Variants in LONP2 observed in about 807,000 individuals in gnomAD.
LONP2 encodes lon peptidase 2, peroxisomal.
A neutral mutation model predicts 85.6 loss-of-function variants in LONP2; 60 were observed. That is an observed-to-expected ratio of 0.70 (90% CI 0.57 to 0.87). The LOEUF is 0.87. Ranked by LOEUF, LONP2 falls within the 40% of genes least tolerant of loss-of-function variation. The pLI, the probability that LONP2 is intolerant of heterozygous loss-of-function variation, is 0.00. For missense variants in LONP2, 860 were observed against 1,063.5 expected (o/e 0.81, Z 2.66); for synonymous variants, 395 against 389.7 (o/e 1.01, Z -0.16).
intron 12 of LONP2, among the ~76,000 whole-genome samples, chr16:48,339,799 C>T (rs1412323274): frequency 6.6e-6 from 1 of 152,176 alleles, no homozygotes; most frequent in Non-Finnish European, 1.5e-5. Flanking sequence ...ATGGGGCTAA[C>T]GTGTGTGAGC....
At position 48,303,480 on chromosome 16, in the gene LONP2, G is replaced by A. The variant is rs545619235; in HGVS notation, c.1795+175G>A. ...AATGTTTCAACATATTTCATCCAGA[G>A]GATTGTCTTTTACAAATAGCACAGT... On this transcript the variant is annotated intron_variant, in intron 11 of 14. Transcript: ENST00000285737. Among the ~76,000 whole-genome samples, 120 of 152,222 alleles carry A rather than the reference G, an allele frequency of 7.9e-4. 1 individual carries two copies. The highest frequency in any genetic ancestry group is 1.6e-4 in the Non-Finnish European group (11 of 68,022).
At chr16:48,346,494 C>T (rs1414776499) in intron 12 of LONP2, among the ~76,000 whole-genome samples, 5 of 152,162 alleles carry the variant, frequency 3.3e-5, no homozygotes, top group Non-Finnish European at 7.3e-5. Flanking sequence ...TCTCTCATCC[C>T]ATGGGAAGGA....
chr16:48,261,918 G>A (rs1419910881), intron 5 of LONP2, among the ~76,000 whole-genome samples: 1 of 152,062 alleles, frequency 6.6e-6, no homozygotes, highest in Non-Finnish European at 1.5e-5. Context: ...TAACAGAATA[G>A]GATATATGGG....
chr16:48,346,882 G>A, intron 12 of LONP2, among the ~76,000 whole-genome samples: 1 of 152,136 alleles, frequency 6.6e-6, no homozygotes, highest in East Asian at 1.9e-4. Context: ...TGGGTGTGGT[G>A]GCTCACACCT....
At chr16:48,332,509 C>T (rs931093518) in intron 11 of LONP2, among the ~76,000 whole-genome samples, 1 of 152,008 alleles carries the variant, frequency 6.6e-6, no homozygotes, top group Admixed American at 6.6e-5. Context: ...GTCAGGAGTT[C>T]GAGACCAGCC....
chr16:48,303,408 T>C, intron 11 of LONP2, 103 bp downstream of exon 11: 1 of 1,317,804 alleles, frequency 7.6e-7, no homozygotes, highest in South Asian at 1.3e-5. Context: ...CTTGGAGCAG[T>C]GGCACACATG....
chr16:48,312,407 T>C (rs1447995468), intron 11 of LONP2, among the ~76,000 whole-genome samples: 1 of 152,166 alleles, frequency 6.6e-6, no homozygotes, highest in Non-Finnish European at 1.5e-5. Flanking sequence ...TTCATTTGTA[T>C]CTGGGATAAC....
At chr16:48,333,884 G>A (rs1027809456) in intron 11 of LONP2, among the ~76,000 whole-genome samples, 6 of 152,198 alleles carry the variant, frequency 3.9e-5, no homozygotes, top group Non-Finnish European at 5.9e-5. Context: ...GAATAGTGCC[G>A]GGAATTGTTC....
intron 12 of LONP2, among the ~76,000 whole-genome samples, chr16:48,342,929 C>T (rs181681896): frequency 7.2e-5 from 11 of 152,280 alleles, no homozygotes; most frequent in African/African-American, 1.2e-4. Flanking sequence ...CATGTGGCAC[C>T]GTGCTTGTCC....
At chr16:48,296,405 CAAAT>C (rs1173377950) in intron 9 of LONP2, among the ~76,000 whole-genome samples, 4 of 152,270 alleles carry the variant, frequency 2.6e-5, no homozygotes, top group African/African-American at 9.6e-5. Context: ...AATTTTATGA[CAAAT>C]AAGACATTCT....
At chr16:48,345,724 T>C (rs1959942647) in intron 12 of LONP2, 1 of 152,034 alleles carries the variant, frequency 6.6e-6, no homozygotes, top group South Asian at 2.1e-4. Flanking sequence ...TTAGGATTAA[T>C]TTTTTTTAAT....
intron 5 of LONP2, among the ~76,000 whole-genome samples, 189 bp from the exon 6 acceptor site, chr16:48,262,589 G>T (rs73555657): frequency 3.8e-4 from 58 of 152,320 alleles, no homozygotes; most frequent in African/African-American, 1.3e-3. Flanking sequence ...TGGGGAGAGA[G>T]ATAGGAGTGG....
intron 6 of LONP2, 76 bp from the exon 7 acceptor site, chr16:48,269,940 C>T (rs1048454156): frequency 2.7e-5 from 39 of 1,468,884 alleles, no homozygotes; most frequent in Middle Eastern, 3.7e-4. Context: ...ATATTTTGCC[C>T]TCGTCATGCT....
rs202193734 is a variant in LONP2, at chr16:48,347,590, G to A, written c.2022G>A (p.Ala674=). The A allele has an allele frequency of 5.7e-5, 92 of 1,614,258 alleles. No homozygotes were observed. The highest frequency in any genetic ancestry group is 8.9e-5 in the East Asian group (4 of 44,884). The part of the protein sequence containing the change: ...PLGGEIMFVE[A]SRMDGEGQLT... ...GTGGAGAAATCATGTTCGTGGAGGC[G>A]AGTCGAATGGATGGCGAGGGCCAGT... is the stretch of plus-strand genomic sequence containing the variant. Residue 674 remains alanine (A), a synonymous_variant, in exon 13 of 15, where the codon GCG becomes GCA. Transcript: ENST00000285737.
chr16:48,245,543 A>G (rs1197673172), intron 1 of LONP2, among the ~76,000 whole-genome samples: 1 of 152,154 alleles, frequency 6.6e-6, no homozygotes, highest in Non-Finnish European at 1.5e-5. Flanking sequence ...TAGAATTGCC[A>G]GTTGTCCTGG....
intron 7 of LONP2, among the ~76,000 whole-genome samples, chr16:48,273,120 A>G (rs899316785): frequency 6.6e-6 from 1 of 152,176 alleles, no homozygotes; most frequent in Non-Finnish European, 1.5e-5. Flanking sequence ...TCAGCCTTTG[A>G]GTAGGCACCA....
At chr16:48,261,750 G>T (rs897437797) in intron 5 of LONP2, among the ~76,000 whole-genome samples, 163 bp downstream of exon 5, 1 of 151,500 alleles carries the variant, frequency 6.6e-6, no homozygotes, top group Non-Finnish European at 1.5e-5. Context: ...CCTTTTTGTT[G>T]TCTGAAAGAA....
At chr16:48,361,759 G>A, downstream of LONP2, 1 of 1,614,096 alleles carries the variant, frequency 6.2e-7, no homozygotes, top group Non-Finnish European at 8.5e-7. Context: ...AGCTCAAGTC[G>A]GTAAGCAAAA....
intron 1 of LONP2, 49 bp downstream of exon 1, chr16:48,244,670 G>T: frequency 7.9e-7 from 1 of 1,268,366 alleles, no homozygotes; most frequent in Non-Finnish European, 1.0e-6. Flanking sequence ...GGCCTCCTCC[G>T]GGGACCTGGG....
Sources: allele counts gnomAD v4.1 joint callset (sites outside exome capture counted in the v4.1 genomes callset), GRCh38; gene constraint gnomAD v4.1.1; transcripts MANE v1.5; gene names NCBI Gene and HGNC (gene_info 2026-07-23, HGNC 2026-07-21).